Variants in ZBTB20 observed in about 807,000 individuals in gnomAD.
ZBTB20 encodes zinc finger and BTB domain containing 20.
Under a neutral mutation model 56.9 loss-of-function variants are expected in ZBTB20, and 9 were observed. The ratio of observed to expected loss-of-function variants is 0.16; its 90% CI spans 0.10 to 0.28. The LOEUF (loss-of-function observed/expected upper bound fraction) is 0.28. Ranked by LOEUF, ZBTB20 falls within the 10% of genes least tolerant of loss-of-function variation. ZBTB20 has a pLI of 1.00. For synonymous variants in ZBTB20, 417 were observed against 420.7 expected (o/e 0.99, Z 0.11); for missense variants, 655 against 1,003.0 (o/e 0.65, Z 4.69).
At chr3:115,122,823 C>A (rs928069990) in intron 1 of ZBTB20, among the ~76,000 whole-genome samples, 2 of 152,124 alleles carry the variant, frequency 1.3e-5, no homozygotes, top group Middle Eastern at 3.2e-3. Context: ...AATCACCTTT[C>A]CACAAGCCTA....
intron 7 of ZBTB20, among the ~76,000 whole-genome samples, chr3:114,415,530 T>G (rs1406812773): frequency 4.6e-5 from 7 of 152,128 alleles, no homozygotes; most frequent in Admixed American, 1.3e-4. Context: ...GCTGGCTTAC[T>G]CGGTTAGAAC....
At chr3:114,978,638 C>T (rs1329729759) in intron 2 of ZBTB20, among the ~76,000 whole-genome samples, 1 of 150,520 alleles carries the variant, frequency 6.6e-6, no homozygotes, top group Non-Finnish European at 1.5e-5. Flanking sequence ...TGGTTATGTG[C>T]ATATGTAAGT....
chr3:114,731,149 A>G (rs1325903248), intron 5 of ZBTB20, among the ~76,000 whole-genome samples: 1 of 152,134 alleles, frequency 6.6e-6, no homozygotes, highest in African/African-American at 2.4e-5. Context: ...TGTCATTCAT[A>G]TACTTGAAGA....
At chr3:114,999,521 G>A (rs749307422) in intron 2 of ZBTB20, among the ~76,000 whole-genome samples, 7 of 150,860 alleles carry the variant, frequency 4.6e-5, no homozygotes, top group East Asian at 3.9e-4. Flanking sequence ...TTTTTCCCTC[G>A]AAAAGTTCTT....
intron 10 of ZBTB20, among the ~76,000 whole-genome samples, chr3:114,356,681 C>T (rs1274081471): frequency 1.3e-5 from 2 of 152,156 alleles, no homozygotes; most frequent in Non-Finnish European, 2.9e-5. Context: ...AAGAGCCAGT[C>T]ATCTCTGGAG....
At chr3:114,576,501 C>CAAAAAAAAAAAAAA (rs61714991) in intron 6 of ZBTB20, among the ~76,000 whole-genome samples, 2 of 24,110 alleles carry the variant, frequency 8.3e-5, no homozygotes, top group African/African-American at 1.4e-4. Flanking sequence ...GACTCCGTCT[C>CAAAAAAAAAAAAAA]AAAAAAAAAA....
chr3:114,505,157 G>A (rs2044453662), intron 6 of ZBTB20, among the ~76,000 whole-genome samples: 1 of 152,070 alleles, frequency 6.6e-6, no homozygotes, highest in Non-Finnish European at 1.5e-5. Flanking sequence ...TATCTGGCTG[G>A]GTTAAAAACA....
At chr3:114,683,815 C>A (rs1237247063) in intron 6 of ZBTB20, among the ~76,000 whole-genome samples, 1 of 152,002 alleles carries the variant, frequency 6.6e-6, no homozygotes. Context: ...TAGCAGAGAA[C>A]GGCTTCAGGT....
intron 1 of ZBTB20, among the ~76,000 whole-genome samples, chr3:115,092,085 A>AT (rs1327853657): frequency 3.3e-5 from 5 of 152,156 alleles, no homozygotes; most frequent in Non-Finnish European, 7.3e-5. Context: ...TTGTTAAAGA[A>AT]TTTTTTATAT....
intron 2 of ZBTB20, among the ~76,000 whole-genome samples, chr3:114,994,996 T>C (rs1280432998): frequency 1.3e-5 from 2 of 151,866 alleles, no homozygotes; most frequent in African/African-American, 2.4e-5. Flanking sequence ...ACCATGGCAT[T>C]ATGGTGAGAA....
Position 114,316,032 on chromosome 3 carries a change from G to C in ZBTB20, c.*22973C>G, listed in dbSNP as rs901001259. On this transcript the variant is annotated 3_prime_UTR_variant, in exon 12 of 12. Transcript: ENST00000675478. ...ACTGATTTTCACATGGTAGTTCTGA[G>C]TCAGGCCAAAGGTTTTGAGGTTTCT... 3 of 177,228 alleles carry C rather than the reference G, an allele frequency of 1.7e-5. No homozygotes were observed. Among genetic ancestry groups the C allele is most frequent in the Admixed American group, 6.5e-5 (1 of 15,468 alleles). 11.0% of individuals were successfully genotyped at this position (177,228 alleles called of 1,614,324 possible).
chr3:114,988,079 G>T (rs2078624244), intron 2 of ZBTB20, among the ~76,000 whole-genome samples: 4 of 142,896 alleles, frequency 2.8e-5, no homozygotes, highest in South Asian at 2.2e-4. Context: ...TGCAAGTGAT[G>T]GTATCCAGTT....
intron 3 of ZBTB20, chr3:114,931,223 G>T: frequency 5.2e-6 from 1 of 193,838 alleles, no homozygotes; most frequent in South Asian, 1.2e-4. Context: ...TATAGACCAC[G>T]ATTCCTCAGG....
chr3:114,476,145 C>G, intron 7 of ZBTB20, among the ~76,000 whole-genome samples: 1 of 152,202 alleles, frequency 6.6e-6, no homozygotes, highest in Middle Eastern at 3.4e-3. Context: ...ATAGTTCATA[C>G]TATTATAGGT....
chr3:115,134,628 T>C (rs775316454), intron 1 of ZBTB20, among the ~76,000 whole-genome samples: 25 of 152,216 alleles, frequency 1.6e-4, no homozygotes, highest in Non-Finnish European at 3.2e-4. Flanking sequence ...ATATATTTAA[T>C]ATCTGAAATT....
chr3:115,089,708 G>GT lies in ZBTB20; in HGVS notation c.-702-18295dup, dbSNP rs533867008. On this transcript the variant is annotated intron_variant, in intron 1 of 11. Coordinates refer to ENST00000675478, the MANE Select transcript of ZBTB20 (RefSeq NM_001348800.3). Reference sequence around the variant, plus strand: ...TTGGCAATTTTTTCTGTAAGCTTCAGTTTTTTCATCTAAAACATAGGCAGA... The same window carrying GT: ...TTGGCAATTTTTTCTGTAAGCTTCAGTTTTTTTCATCTAAAACATAGGCAGA... Among the ~76,000 whole-genome samples the GT allele has an allele frequency of 5.7e-4, 86 of 151,862 alleles. 1 individual carries two copies. The East Asian group carries it at 0.015, about 26-fold the overall frequency.
intron 4 of ZBTB20, among the ~76,000 whole-genome samples, chr3:114,823,643 A>T (rs1479615596): frequency 6.6e-6 from 1 of 152,076 alleles, no homozygotes; most frequent in Non-Finnish European, 1.5e-5. Flanking sequence ...AAAATAAAGG[A>T]TGCAAAAACA....
At chr3:115,044,894 A>G (rs1294895179) in intron 2 of ZBTB20, among the ~76,000 whole-genome samples, 1 of 152,222 alleles carries the variant, frequency 6.6e-6, no homozygotes, top group Non-Finnish European at 1.5e-5. Flanking sequence ...GTATGTACTC[A>G]TTTGTAGGTG....
chr3:114,889,364 A>T (rs2076722525), intron 4 of ZBTB20, among the ~76,000 whole-genome samples: 1 of 151,986 alleles, frequency 6.6e-6, no homozygotes, highest in Non-Finnish European at 1.5e-5. Context: ...AATTACTATT[A>T]GTAATTAATT....
Sources: gnomAD v4.1 joint callset for allele counts (sites outside exome capture counted in the v4.1 genomes callset) on GRCh38, gnomAD v4.1.1 for gene constraint, MANE v1.5 for transcripts, NCBI Gene and HGNC (gene_info 2026-07-23, HGNC 2026-07-21) for gene names.